Variants in NEMP2 observed in about 807,000 individuals in gnomAD.
The protein encoded by NEMP2 is nuclear envelope integral membrane protein 2.
A neutral mutation model predicts 54.2 loss-of-function variants in NEMP2; 53 were observed. The ratio of observed to expected loss-of-function variants is 0.98; its 90% CI spans 0.78 to 1.23. NEMP2 has a LOEUF of 1.23. NEMP2 is among the 50% of genes most tolerant of loss of function. The pLI is 0.00. For missense variants in NEMP2, 455 were observed against 511.3 expected (o/e 0.89, Z 1.06); for synonymous variants, 197 against 190.3 (o/e 1.04, Z -0.29).
chr2:190,427,133 C>A, the NEMP2 span, among the ~76,000 whole-genome samples: 3 of 152,220 alleles, frequency 2.0e-5, no homozygotes, highest in African/African-American at 7.2e-5. Context: ...TGACATCACC[C>A]CAGTGGGGAA....
chr2:190,580,088 G>A, the NEMP2 span, among the ~76,000 whole-genome samples: 12 of 152,158 alleles, frequency 7.9e-5, no homozygotes, highest in Non-Finnish European at 1.8e-4. This position sits in a 1 kb window ranked among gnomAD's most constrained non-coding sequence, Gnocchi z 5.3. Flanking sequence ...TTCTGATTCA[G>A]TAGGCCTGGG....
the NEMP2 span, among the ~76,000 whole-genome samples, chr2:190,603,628 A>C: frequency 6.8e-6 from 1 of 147,356 alleles, no homozygotes; most frequent in Non-Finnish European, 1.5e-5. Context: ...GAACGTTGAC[A>C]CCCGGGGAGC....
chr2:190,619,335 CA>C, the NEMP2 span, among the ~76,000 whole-genome samples: 1,690 of 119,028 alleles, frequency 0.014, 7 homozygotes, highest in Non-Finnish European at 0.019. The surrounding 1 kb of genome is among the most constrained non-coding windows in gnomAD (Gnocchi z 5.5). Context: ...CCTGTCTCCA[CA>C]AAAAAAAAAA....
chr2:190,620,967 T>A, the NEMP2 span, among the ~76,000 whole-genome samples: 1 of 152,050 alleles, frequency 6.6e-6, no homozygotes, highest in African/African-American at 2.4e-5. The surrounding 1 kb of genome is among the most constrained non-coding windows in gnomAD (Gnocchi z 4.9). Context: ...ATGCTAGCAA[T>A]GAACAATATG....
chr2:190,472,134 T>A, the NEMP2 span, among the ~76,000 whole-genome samples: 5 of 151,876 alleles, frequency 3.3e-5, no homozygotes, highest in African/African-American at 1.2e-4. Context: ...ACCACAAAGA[T>A]GGGGAAAAAA....
chr2:190,431,299 G>A, the NEMP2 span, among the ~76,000 whole-genome samples: 43 of 152,166 alleles, frequency 2.8e-4, no homozygotes, highest in African/African-American at 9.6e-4. This position sits in a 1 kb window ranked among gnomAD's most constrained non-coding sequence, Gnocchi z 4.4. Context: ...TTCCCAGACG[G>A]GGTGGCGGCC....
chr2:190,483,383 T>A, the NEMP2 span, among the ~76,000 whole-genome samples: 1 of 152,180 alleles, frequency 6.6e-6, no homozygotes, highest in Non-Finnish European at 1.5e-5. Context: ...AACTCTCTTC[T>A]CTGTGTGACT....
chr2:190,489,993 G>C, the NEMP2 span: 1 of 683,554 alleles, frequency 1.5e-6, no homozygotes, highest in Non-Finnish European at 2.4e-6. The surrounding 1 kb of genome is among the most constrained non-coding windows in gnomAD (Gnocchi z 6.6). Flanking sequence ...TTTCTGAGTG[G>C]CGTATCGATG....
chr2:190,421,719 C>G, the NEMP2 span, among the ~76,000 whole-genome samples: 1 of 142,782 alleles, frequency 7.0e-6, no homozygotes, highest in Non-Finnish European at 1.5e-5. Context: ...CCATACCTGG[C>G]TAACTTAAAA....
the NEMP2 span, among the ~76,000 whole-genome samples, chr2:190,422,365 C>G: frequency 6.6e-6 from 1 of 152,128 alleles, no homozygotes; most frequent in Non-Finnish European, 1.5e-5. Context: ...TTGCTTCTCT[C>G]CCATGTTAGA....
chr2:190,533,978 C>G lies in NEMP2; in HGVS notation c.97+581G>C, dbSNP rs1691257201. ...TCCTGTGTGCCAGGCATTGTGCACA[C>G]GAACACCACAAGAACCTTGTGAGGC... On this transcript the variant is annotated intron_variant, in intron 1 of 8. Transcript: ENST00000409150. The surrounding 1 kb of genome is among the most constrained non-coding windows in gnomAD (Gnocchi z 4.3). 11 of 985,200 alleles carry G rather than the reference C, an allele frequency of 1.1e-5. No individual in the cohort carries two copies. In the South Asian group the frequency reaches 4.7e-4, roughly 42 times the overall value. The allele number at this position is 985,200 out of a possible 1,614,324, so 61.0% of individuals were successfully genotyped here.
the NEMP2 span, among the ~76,000 whole-genome samples, chr2:190,561,369 C>T: frequency 1.3e-5 from 2 of 152,164 alleles, no homozygotes; most frequent in Non-Finnish European, 2.9e-5. This position sits in a 1 kb window ranked among gnomAD's most constrained non-coding sequence, Gnocchi z 5.4. Context: ...GCTTAAACAA[C>T]AGGAAATTTA....
chr2:190,620,200 G>A, the NEMP2 span: 2 of 152,118 alleles, frequency 1.3e-5, no homozygotes, highest in Non-Finnish European at 2.9e-5. The surrounding 1 kb of genome is among the most constrained non-coding windows in gnomAD (Gnocchi z 4.9). Context: ...CTGACTTCCT[G>A]CTGTCTATTT....
the NEMP2 span, among the ~76,000 whole-genome samples, chr2:190,426,889 G>A: frequency 6.6e-6 from 1 of 152,250 alleles, no homozygotes; most frequent in Non-Finnish European, 1.5e-5. This position sits in a 1 kb window ranked among gnomAD's most constrained non-coding sequence, Gnocchi z 4.7. Context: ...TCTGGCAAGA[G>A]AAGGGAGGAT....
At chr2:190,642,716 C>T in the NEMP2 span, among the ~76,000 whole-genome samples, 1 of 152,050 alleles carries the variant, frequency 6.6e-6, no homozygotes, top group Non-Finnish European at 1.5e-5. The surrounding 1 kb of genome is among the most constrained non-coding windows in gnomAD (Gnocchi z 4.1). Context: ...TACCACCACA[C>T]AGAGTGGAAA....
At chr2:190,600,221 C>A in the NEMP2 span, among the ~76,000 whole-genome samples, 3 of 152,070 alleles carry the variant, frequency 2.0e-5, no homozygotes, top group African/African-American at 7.2e-5. The surrounding 1 kb of genome is among the most constrained non-coding windows in gnomAD (Gnocchi z 4.9). Flanking sequence ...TTCTAACTCT[C>A]ATTGCTTGAT....
the NEMP2 span, among the ~76,000 whole-genome samples, chr2:190,547,213 A>G: frequency 6.6e-6 from 1 of 152,222 alleles, no homozygotes; most frequent in Non-Finnish European, 1.5e-5. This position sits in a 1 kb window ranked among gnomAD's most constrained non-coding sequence, Gnocchi z 6.2. Flanking sequence ...GGTTTCATAG[A>G]AGACAAAAAC....
chr2:190,451,698 G>A, the NEMP2 span, among the ~76,000 whole-genome samples: 11 of 152,230 alleles, frequency 7.2e-5, no homozygotes, highest in Admixed American at 5.9e-4. The surrounding 1 kb of genome is among the most constrained non-coding windows in gnomAD (Gnocchi z 5.0). Context: ...GAAGCCCCCA[G>A]TGAAGATCTT....
At chr2:190,638,969 T>G in the NEMP2 span, among the ~76,000 whole-genome samples, 6 of 152,008 alleles carry the variant, frequency 3.9e-5, no homozygotes, top group East Asian at 1.2e-3. This position sits in a 1 kb window ranked among gnomAD's most constrained non-coding sequence, Gnocchi z 5.7. Flanking sequence ...TGTCACTGGG[T>G]GTGAAAGCCC....
Sources: gnomAD v4.1 joint callset for allele counts (sites outside exome capture counted in the v4.1 genomes callset) on GRCh38, gnomAD v4.1.1 for gene constraint, Gnocchi (gnomAD v3.1) non-coding constraint, MANE v1.5 for transcripts, NCBI Gene and HGNC (gene_info 2026-07-23, HGNC 2026-07-21) for gene names.